Variants in DIS3L2 observed in about 807,000 individuals in gnomAD.
The protein encoded by DIS3L2 is DIS3 like 3'-5' exoribonuclease 2.
In DIS3L2, 34 loss-of-function variants were observed where a neutral mutation model predicts 97.5. The ratio of observed to expected loss-of-function variants is 0.35; its 90% CI spans 0.27 to 0.46. The LOEUF is 0.46. Among genes scored for constraint, DIS3L2 ranks in the 20% least tolerant of loss-of-function variants. DIS3L2 has a pLI of 1.00. For missense variants in DIS3L2, 1,038 were observed against 1,146.0 expected, an observed-to-expected ratio of 0.91 and a Z score of 1.36; for synonymous variants, 435 against 445.2, an observed-to-expected ratio of 0.98 and a Z score of 0.29.
chr2:231,984,168 TAGC>T (rs762394124), intron 1 of DIS3L2, among the ~76,000 whole-genome samples: 37 of 152,056 alleles, frequency 2.4e-4, no homozygotes, highest in Non-Finnish European at 4.7e-4. Flanking sequence ...AAATAACAAA[TAGC>T]AGGCTTTTCC....
chr2:232,173,887 T>C (rs919079317), intron 9 of DIS3L2, among the ~76,000 whole-genome samples: 2 of 152,216 alleles, frequency 1.3e-5, no homozygotes, highest in South Asian at 4.1e-4. Context: ...CTTCCAACTT[T>C]GCTTTTTTTT....
intron 12 of DIS3L2, among the ~76,000 whole-genome samples, chr2:232,249,636 G>A (rs1693365189): frequency 6.6e-6 from 1 of 152,220 alleles, no homozygotes; most frequent in Non-Finnish European, 1.5e-5. Context: ...CAGGAGACAG[G>A]GTGTAAGTGG....
At chr2:231,963,564 AT>A (rs1692626685) in intron 1 of DIS3L2, among the ~76,000 whole-genome samples, 1 of 152,104 alleles carries the variant, frequency 6.6e-6, no homozygotes, top group African/African-American at 2.4e-5. Context: ...TCTGTTGATA[AT>A]TTCTTTTGCT....
intron 16 of DIS3L2, among the ~76,000 whole-genome samples, chr2:232,332,784 G>A (rs1695778745): frequency 6.6e-6 from 1 of 152,228 alleles, no homozygotes; most frequent in African/African-American, 2.4e-5. Flanking sequence ...GTGGGGTGGA[G>A]TATTGGCGAG....
intron 14 of DIS3L2, 28 bp from the exon 15 acceptor site, chr2:232,329,785 T>TGCCGGGGGGGGGGCCCCCCC: frequency 1.0e-6 from 1 of 967,144 alleles, no homozygotes; most frequent in Non-Finnish European, 1.5e-6. Context: ...ACCCCAGCGG[T>TGCCGGGGGGGGGGCCCCCCC]CCCTCCCATC....
At chr2:232,046,338 G>A (rs923057327) in intron 5 of DIS3L2, among the ~76,000 whole-genome samples, 2 of 152,108 alleles carry the variant, frequency 1.3e-5, no homozygotes, top group Non-Finnish European at 2.9e-5. Flanking sequence ...ATGTACTAAC[G>A]GCATGGAAGA....
At chr2:232,075,244 G>A (rs1696149728) in intron 5 of DIS3L2, among the ~76,000 whole-genome samples, 1 of 152,140 alleles carries the variant, frequency 6.6e-6, no homozygotes, top group African/African-American at 2.4e-5. Flanking sequence ...TTCCTCCTCT[G>A]TGAGATGGAG....
chr2:232,059,630 CT>C (rs948326098), intron 5 of DIS3L2, among the ~76,000 whole-genome samples: 30 of 152,152 alleles, frequency 2.0e-4, no homozygotes, highest in African/African-American at 6.5e-4. Flanking sequence ...ACTCTTGCCC[CT>C]ATCCCTTCCT....
chr2:232,291,984 C>A (rs1694612679), intron 13 of DIS3L2, among the ~76,000 whole-genome samples: 3 of 152,186 alleles, frequency 2.0e-5, no homozygotes, highest in African/African-American at 7.2e-5. Context: ...TGCCTAGTGG[C>A]CCTTGCATGA....
chr2:232,071,693 G>T (rs1696023862), intron 5 of DIS3L2, among the ~76,000 whole-genome samples: 3 of 152,124 alleles, frequency 2.0e-5, no homozygotes, highest in Admixed American at 2.0e-4. Context: ...GTAAGCCAAA[G>T]AATAGAGAAG....
Position 232,249,352 on chromosome 2 carries a change from A to G in DIS3L2, c.1425+6A>G. 1 of 1,613,724 alleles carries G rather than the reference A, an allele frequency of 6.2e-7. No homozygotes were observed. Among genetic ancestry groups the G allele is most frequent in the Non-Finnish European group, 8.5e-7 (1 of 1,179,762 alleles). Reference sequence around the variant, plus strand: ...CACTGACTCCAGAGGGCAAGGTAACAACTTACACGTTTTCTTTCTCCACTT... The same window carrying G: ...CACTGACTCCAGAGGGCAAGGTAACGACTTACACGTTTTCTTTCTCCACTT... On this transcript the variant is annotated splice_donor_region_variant and intron_variant, in intron 12 of 20. Transcript: ENST00000325385.
chr2:232,204,392 C>A (rs944862913), intron 9 of DIS3L2, among the ~76,000 whole-genome samples: 1 of 152,204 alleles, frequency 6.6e-6, no homozygotes, highest in Non-Finnish European at 1.5e-5. Context: ...TTCATGTGTT[C>A]ATTCCCAGAC....
rs1433211902 is a variant in DIS3L2 at position 232,281,398 on chromosome 2, CAAAAAGAA to C, written c.1659+17968_1659+17975del. 2.6e-5 allele frequency among the ~76,000 whole-genome samples: 4 copies of C among 151,762 alleles called. No individual in the cohort carries two copies. The highest frequency in any genetic ancestry group is 1.3e-4 in the Admixed American group (2 of 15,272). ...TGGGTGACAGAGCAAGACTCTGTCT[CAAAAAGAA>C]AAAAAGAAATATGAATGTTTTCTTG... On this transcript the variant is annotated intron_variant, in intron 13 of 20. Transcript: ENST00000325385. The surrounding 1 kb of genome is among the most constrained non-coding windows in gnomAD (Gnocchi z 4.1).
chr2:232,292,235 C>T lies in DIS3L2; in HGVS notation c.1660-7805C>T, dbSNP rs192619186. Among the ~76,000 whole-genome samples, 31 of 152,222 alleles carry T rather than the reference C, an allele frequency of 2.0e-4. No individual in the cohort carries two copies. The highest frequency in any genetic ancestry group is 7.5e-4 in the African/African-American group (31 of 41,532). On this transcript the variant is annotated intron_variant, in intron 13 of 20. Coordinates refer to ENST00000325385, the MANE Select transcript of DIS3L2 (RefSeq NM_152383.5). The surrounding 1 kb of genome is among the most constrained non-coding windows in gnomAD (Gnocchi z 4.4). ...TTACATTAAAAGACTCAGTGGACACCCCTCCTTCTGCTTACCTAGGACATT... is the reference window on the plus strand; with the variant it reads ...TTACATTAAAAGACTCAGTGGACACTCCTCCTTCTGCTTACCTAGGACATT...
At chr2:232,235,137 C>T (rs72994301) in intron 10 of DIS3L2, among the ~76,000 whole-genome samples, 1,790 of 152,354 alleles carry the variant, frequency 0.012, 17 homozygotes, top group Non-Finnish European at 0.017. Context: ...GTGAGCCAGG[C>T]CCGGCTGCCC....
At chr2:232,164,912 G>A (rs952484443) in intron 9 of DIS3L2, among the ~76,000 whole-genome samples, 9 of 152,080 alleles carry the variant, frequency 5.9e-5, no homozygotes, top group African/African-American at 1.9e-4. Context: ...GTTTTCTGAG[G>A]TCATTTCCTG....
At chr2:231,981,603 T>TATAC (rs1364758014) in intron 1 of DIS3L2, among the ~76,000 whole-genome samples, 1 of 93,736 alleles carries the variant, frequency 1.1e-5, no homozygotes. Context: ...GTATTTTATA[T>TATAC]ATATATATAT....
intron 9 of DIS3L2, among the ~76,000 whole-genome samples, chr2:232,188,043 G>C (rs1691495477): frequency 6.6e-6 from 1 of 152,102 alleles, no homozygotes; most frequent in Non-Finnish European, 1.5e-5. Context: ...TGGAAGCTGA[G>C]GTGGGAGAAT....
At chr2:232,047,442 A>G (rs1285389691) in intron 5 of DIS3L2, among the ~76,000 whole-genome samples, 2 of 152,232 alleles carry the variant, frequency 1.3e-5, no homozygotes, top group East Asian at 3.9e-4. Context: ...TAAATGAGGC[A>G]CCTGTATTAT....
Sources: gnomAD v4.1 joint callset for allele counts (sites outside exome capture counted in the v4.1 genomes callset) on GRCh38, gnomAD v4.1.1 for gene constraint, Gnocchi (gnomAD v3.1) non-coding constraint, MANE v1.5 for transcripts, NCBI Gene and HGNC (gene_info 2026-07-23, HGNC 2026-07-21) for gene names.